DCC: variants seen among roughly 807,000 people sequenced by gnomAD.
DCC encodes the protein netrin receptor DCC.
Under a neutral mutation model 172.5 loss-of-function variants are expected in DCC, and 58 were observed. That is an observed-to-expected ratio of 0.34 (90% CI 0.27 to 0.42). DCC has a LOEUF of 0.42. Ranked by LOEUF, DCC falls within the 10% of genes least tolerant of loss-of-function variation. The pLI, the probability that DCC is intolerant of heterozygous loss-of-function variation, is 1.00. For synonymous variants in DCC, 709 were observed against 644.5 expected, an observed-to-expected ratio of 1.10 and a Z score of -1.52; for missense variants, 1,740 against 1,791.0, an observed-to-expected ratio of 0.97 and a Z score of 0.51.
chr18:52,408,892 G>T (rs1986748538), intron 1 of DCC: 1 of 152,094 alleles, frequency 6.6e-6, no homozygotes. Context: ...ATTTGTGGGA[G>T]TTTGGGGAGT....
At chr18:52,837,077 C>T (rs866512938) in intron 2 of DCC, among the ~76,000 whole-genome samples, 1 of 152,178 alleles carries the variant, frequency 6.6e-6, no homozygotes, top group Non-Finnish European at 1.5e-5. Flanking sequence ...ACCGTAGCCC[C>T]TTTTGACCAT....
At chr18:53,238,248 G>A (rs575436768) in intron 12 of DCC, among the ~76,000 whole-genome samples, 9 of 152,002 alleles carry the variant, frequency 5.9e-5, no homozygotes, top group Admixed American at 1.3e-4. Context: ...TATCTGATAC[G>A]TAGTGTTGGG....
rs562755740 is a variant in DCC at position 52,360,544 on chromosome 18, G to A, written c.91+19666G>A. Among the ~76,000 whole-genome samples the A allele has an allele frequency of 6.6e-5, 10 of 152,294 alleles. No homozygotes were observed. The South Asian group carries it at 1.7e-3, about 25-fold the overall frequency. ...GACGGTAATAATGCAACCATGTAGC[G>A]TGGTCTTGCAGGCTTTGAGTTATGA... On this transcript the variant is annotated intron_variant, in intron 1 of 28. Coordinates refer to ENST00000442544, the MANE Select transcript of DCC (RefSeq NM_005215.4).
intron 5 of DCC, among the ~76,000 whole-genome samples, chr18:53,025,795 TACACACACACACAC>T (rs34351949): frequency 1.6e-4 from 23 of 141,602 alleles, no homozygotes; most frequent in Admixed American, 4.3e-4. Flanking sequence ...AAAACTATGA[TACACACACACACAC>T]ACACACACAC....
intron 1 of DCC, among the ~76,000 whole-genome samples, chr18:52,587,362 A>AG (rs1159655745): frequency 1.3e-5 from 2 of 152,180 alleles, no homozygotes; most frequent in Admixed American, 6.5e-5. Context: ...CTGGGGAAAG[A>AG]GGCTGAGTGT....
At chr18:53,145,416 G>A (rs995766148) in intron 7 of DCC, among the ~76,000 whole-genome samples, 2 of 152,004 alleles carry the variant, frequency 1.3e-5, no homozygotes, top group African/African-American at 4.8e-5. Context: ...CCCAGCCCAG[G>A]GCTCTGCTTT....
At chr18:52,716,084 G>T (rs867002628) in intron 1 of DCC, among the ~76,000 whole-genome samples, 1 of 152,206 alleles carries the variant, frequency 6.6e-6, no homozygotes, top group African/African-American at 2.4e-5. Flanking sequence ...AGCCACTGCA[G>T]TGTTCAGCTG....
chr18:53,358,050 G>C (rs1326264293), intron 15 of DCC, among the ~76,000 whole-genome samples: 5 of 152,006 alleles, frequency 3.3e-5, no homozygotes, highest in African/African-American at 7.2e-5. Flanking sequence ...GATTGTAAAT[G>C]CTTCTTATTT....
chr18:52,580,349 A>C (rs1320282332), intron 1 of DCC, among the ~76,000 whole-genome samples: 2 of 152,202 alleles, frequency 1.3e-5, no homozygotes, highest in African/African-American at 4.8e-5. Flanking sequence ...CCTCGAACTC[A>C]CAATGAGACA....
At chr18:52,811,109 G>C (rs913763678) in intron 2 of DCC, among the ~76,000 whole-genome samples, 1 of 152,090 alleles carries the variant, frequency 6.6e-6, no homozygotes, top group African/African-American at 2.4e-5. Context: ...TTTCAAAAAA[G>C]ATATGTTTGC....
intron 5 of DCC, among the ~76,000 whole-genome samples, chr18:52,950,785 C>T (rs1045062748): frequency 3.3e-5 from 5 of 151,416 alleles, no homozygotes; most frequent in Non-Finnish European, 4.4e-5. Context: ...ATTAGCTGGG[C>T]GTGGTGGCGG....
At chr18:53,462,372 T>C (rs943355860) in intron 24 of DCC, among the ~76,000 whole-genome samples, 1 of 152,018 alleles carries the variant, frequency 6.6e-6, no homozygotes, top group African/African-American at 2.4e-5. Context: ...TGGATTCTTA[T>C]AGGAGCATGA....
chr18:52,622,313 A>G (rs75873814), intron 1 of DCC, among the ~76,000 whole-genome samples: 3,211 of 152,300 alleles, frequency 0.021, 102 homozygotes, highest in East Asian at 0.09. Context: ...TCTCTAGAAG[A>G]GTACATTGTT....
rs1462910941 is a variant in DCC at position 53,428,419 on chromosome 18, TATA to T, written c.3164-6721_3164-6719del. On this transcript the variant is annotated intron_variant, in intron 21 of 28. Coordinates refer to ENST00000442544, the MANE Select transcript of DCC (RefSeq NM_005215.4). ...ATAATATAATATATTACATATATAATATAATATATTACATATATAATATATTAT... is the reference window on the plus strand; with the variant it reads ...ATAATATAATATATTACATATATAATATATATTACATATATAATATATTAT... 2.2e-4 allele frequency among the ~76,000 whole-genome samples: 13 copies of T among 59,238 alleles called. 2 individuals are homozygous for T. In the South Asian group the frequency reaches 2.7e-3, roughly 12 times the overall value. The allele number at this position is 59,238 out of a possible 152,430, so 38.9% of individuals were successfully genotyped here. A position where few individuals can be genotyped will look rare whatever the true frequency, so the allele number is the denominator to read the frequency against.
At chr18:53,022,996 C>T (rs780182124) in intron 5 of DCC, among the ~76,000 whole-genome samples, 3 of 152,020 alleles carry the variant, frequency 2.0e-5, no homozygotes, top group Non-Finnish European at 2.9e-5. Flanking sequence ...AATAGGTTAA[C>T]GCTATAAATC....
chr18:53,313,610 T>C (rs2144806696), intron 13 of DCC, among the ~76,000 whole-genome samples: 1 of 152,346 alleles, frequency 6.6e-6, no homozygotes, highest in Admixed American at 6.5e-5. Flanking sequence ...TACTGATTTC[T>C]TAGCTTGATC....
At chr18:52,709,656 A>AGT (rs1419525352) in intron 1 of DCC, among the ~76,000 whole-genome samples, 1 of 152,208 alleles carries the variant, frequency 6.6e-6, no homozygotes, top group Non-Finnish European at 1.5e-5. Context: ...GAAATCTCCT[A>AGT]TCAGTTCTAG....
chr18:53,179,065 T>C lies in DCC; in HGVS notation c.1522T>C (p.Trp508Arg), dbSNP rs750669263. The C allele has an allele frequency of 6.2e-7, 1 of 1,613,998 alleles. No individual in the cohort carries two copies. Among genetic ancestry groups the C allele is most frequent in the Admixed American group, 1.7e-5 (1 of 60,008 alleles). ...CTTTCGAGTTGTGGCTTACAATGAATGGGGACCGGGAGAGAGTTCTCAACC... is the reference window on the plus strand; with the variant it reads ...CTTTCGAGTTGTGGCTTACAATGAACGGGGACCGGGAGAGAGTTCTCAACC... ...YTFRVVAYNE[W>R]GPGESSQPIK... The change falls in exon 9 of 29, where the codon TGG becomes CGG. Residue 508 changes from tryptophan (W) to arginine (R), a missense_variant. Coordinates refer to ENST00000442544, the MANE Select transcript of DCC (RefSeq NM_005215.4).
At chr18:52,480,148 A>T (rs557693500) in intron 1 of DCC, among the ~76,000 whole-genome samples, 2 of 152,280 alleles carry the variant, frequency 1.3e-5, no homozygotes, top group South Asian at 4.1e-4. Flanking sequence ...AATCTAAAGG[A>T]CTTTCTCTTT....
Sources: gnomAD v4.1 joint callset for allele counts (sites outside exome capture counted in the v4.1 genomes callset) on GRCh38, gnomAD v4.1.1 for gene constraint, MANE v1.5 for transcripts, NCBI Gene and HGNC (gene_info 2026-07-23, HGNC 2026-07-21) for gene names.